DISC1: variants seen among roughly 807,000 people sequenced by gnomAD.
The protein encoded by DISC1 is disrupted in schizophrenia 1 protein.
Under a neutral mutation model 84.5 loss-of-function variants are expected in DISC1, and 57 were observed. The ratio of observed to expected loss-of-function variants is 0.67; its 90% confidence interval spans 0.55 to 0.84. The LOEUF is 0.84. Among genes scored for constraint, DISC1 ranks in the 40% least tolerant of loss-of-function variants. DISC1 has a pLI of 0.00. For synonymous variants in DISC1, 411 were observed against 415.2 expected, an observed-to-expected ratio of 0.99 and a Z score of 0.12; for missense variants, 1,000 against 1,057.8, an observed-to-expected ratio of 0.95 and a Z score of 0.76.
intron 10 of DISC1, among the ~76,000 whole-genome samples, chr1:231,994,278 T>G (rs1175520309): frequency 6.6e-6 from 1 of 152,208 alleles, no homozygotes; most frequent in Non-Finnish European, 1.5e-5. Context: ...TGACCAGGCA[T>G]GTAGTCCCTC....
intron 8 of DISC1, among the ~76,000 whole-genome samples, chr1:231,816,991 T>C (rs934985933): frequency 1.3e-5 from 2 of 151,958 alleles, no homozygotes; most frequent in Admixed American, 6.6e-5. Flanking sequence ...TTCTTTGAGG[T>C]GGGGACTTGC....
chr1:231,845,298 T>C (rs762608794), intron 9 of DISC1, among the ~76,000 whole-genome samples: 1 of 152,186 alleles, frequency 6.6e-6, no homozygotes, highest in Non-Finnish European at 1.5e-5. Flanking sequence ...CTGAGCCACA[T>C]CCTGGTGCCA....
intron 10 of DISC1, among the ~76,000 whole-genome samples, chr1:231,992,521 A>T (rs1297606226): frequency 6.6e-6 from 1 of 152,120 alleles, no homozygotes; most frequent in Non-Finnish European, 1.5e-5. Flanking sequence ...TATGGGTCTA[A>T]ATTTTTCACT....
At chr1:231,842,585 T>G (rs1282961299) in intron 9 of DISC1, among the ~76,000 whole-genome samples, 1 of 152,236 alleles carries the variant, frequency 6.6e-6, no homozygotes, top group African/African-American at 2.4e-5. Flanking sequence ...CCTTCCTAAA[T>G]GAGGAAGCTG....
intron 6 of DISC1, among the ~76,000 whole-genome samples, chr1:231,785,496 A>G (rs1481047568): frequency 6.6e-6 from 1 of 151,550 alleles, no homozygotes; most frequent in South Asian, 2.1e-4. Flanking sequence ...TTTTCACCAT[A>G]TTGTCCAGGC....
chr1:231,641,391 G>A (rs557446949), intron 1 of DISC1, among the ~76,000 whole-genome samples: 5 of 152,210 alleles, frequency 3.3e-5, no homozygotes, highest in Middle Eastern at 3.4e-3. Context: ...CAGCTCTTAA[G>A]GCGGCGCGTC....
chr1:231,871,245 A>G (rs924822464), intron 9 of DISC1, among the ~76,000 whole-genome samples: 2 of 152,188 alleles, frequency 1.3e-5, no homozygotes, highest in Non-Finnish European at 2.9e-5. Context: ...AGCATTGCCT[A>G]TTAGTCGCCA....
At chr1:231,754,227 A>G (rs1283260047) in intron 4 of DISC1, among the ~76,000 whole-genome samples, 1 of 152,112 alleles carries the variant, frequency 6.6e-6, no homozygotes, top group Non-Finnish European at 1.5e-5. Context: ...AATTTTCTGT[A>G]TTAGTCCATT....
intron 5 of DISC1, among the ~76,000 whole-genome samples, chr1:231,769,659 A>T (rs766199801): frequency 6.6e-6 from 1 of 152,210 alleles, no homozygotes; most frequent in Non-Finnish European, 1.5e-5. Context: ...TCAGTTTTGC[A>T]AGATGAAAAG....
intron 9 of DISC1, among the ~76,000 whole-genome samples, chr1:231,832,828 C>G (rs960995791): frequency 6.7e-6 from 1 of 148,618 alleles, no homozygotes; most frequent in African/African-American, 2.5e-5. Context: ...TAAGGCTTGT[C>G]TGGTTCTAGG....
intron 11 of DISC1, among the ~76,000 whole-genome samples, chr1:232,018,701 T>C (rs1053038383): frequency 2.0e-5 from 3 of 152,144 alleles, no homozygotes; most frequent in African/African-American, 4.8e-5. Context: ...ATTTGAAATA[T>C]TGCCTGGCTG....
intron 9 of DISC1, among the ~76,000 whole-genome samples, chr1:231,882,091 T>C (rs2086330354): frequency 6.6e-6 from 1 of 152,230 alleles, no homozygotes; most frequent in Non-Finnish European, 1.5e-5. Flanking sequence ...TTGGCTCTTC[T>C]TTCAGGCTTT....
chr1:231,726,359 C>CT (rs1055595327), intron 3 of DISC1, among the ~76,000 whole-genome samples: 13 of 151,998 alleles, frequency 8.6e-5, no homozygotes, highest in South Asian at 2.1e-4. Flanking sequence ...CTGCAGGCAC[C>CT]TTTTTTTTGA....
intron 10 of DISC1, among the ~76,000 whole-genome samples, chr1:231,982,630 A>G (rs1242973109): frequency 6.6e-6 from 1 of 152,240 alleles, no homozygotes; most frequent in Non-Finnish European, 1.5e-5. Context: ...TTGAGGCTGC[A>G]GGGACTGGAC....
chr1:231,859,108 C>A (rs1360577074), intron 9 of DISC1, among the ~76,000 whole-genome samples: 1 of 152,208 alleles, frequency 6.6e-6, no homozygotes, highest in Non-Finnish European at 1.5e-5. Flanking sequence ...TCTGAGAATT[C>A]AGCTTAAAAA....
intron 9 of DISC1, among the ~76,000 whole-genome samples, chr1:231,927,424 C>G (rs200243592): frequency 7.9e-5 from 12 of 152,302 alleles, no homozygotes; most frequent in Non-Finnish European, 1.6e-4. Flanking sequence ...GTAGCTGGAC[C>G]TTTATCATGT....
At chr1:231,720,738 C>A in intron 3 of DISC1, 2 of 839,140 alleles carry the variant, frequency 2.4e-6, no homozygotes, top group Non-Finnish European at 3.4e-6. Context: ...GGGCTTTCTG[C>A]ATGAGGGCTA....
intron 9 of DISC1, among the ~76,000 whole-genome samples, chr1:231,833,689 G>T (rs2082413248): frequency 6.6e-6 from 1 of 152,210 alleles, no homozygotes; most frequent in South Asian, 2.1e-4. Context: ...CCTGGGGGAG[G>T]CAGGCCTGGA....
intron 3 of DISC1, chr1:231,723,875 G>A (rs1478998364): frequency 3.3e-5 from 33 of 985,306 alleles, no homozygotes; most frequent in Non-Finnish European, 3.9e-5. Flanking sequence ...AGGAGCATTT[G>A]TTGGCAAGTT....
Sources: allele counts gnomAD v4.1 joint callset (sites outside exome capture counted in the v4.1 genomes callset), GRCh38; gene constraint gnomAD v4.1.1; transcripts MANE v1.5; gene names NCBI Gene and HGNC (gene_info 2026-07-23, HGNC 2026-07-21).